Variants in GRIK3 observed in about 807,000 individuals in gnomAD.
The protein encoded by GRIK3 is glutamate ionotropic receptor kainate type subunit 3.
A neutral mutation model predicts 102.5 loss-of-function variants in GRIK3; 29 were observed. The ratio of observed to expected loss-of-function variants is 0.28; its 90% CI spans 0.21 to 0.39. The LOEUF (loss-of-function observed/expected upper bound fraction) is 0.39. Ranked by LOEUF, GRIK3 falls within the 10% of genes least tolerant of loss-of-function variation. GRIK3 has a pLI of 1.00. For synonymous variants in GRIK3, 511 were observed against 504.9 expected, an observed-to-expected ratio of 1.01 and a Z score of -0.16; for missense variants, 908 against 1,252.4, an observed-to-expected ratio of 0.73 and a Z score of 4.15.
At chr1:36,976,255 C>T (rs1642194945) in intron 1 of GRIK3, among the ~76,000 whole-genome samples, 1 of 152,194 alleles carries the variant, frequency 6.6e-6, no homozygotes, top group Admixed American at 6.5e-5. Flanking sequence ...GCTCTCGACT[C>T]CTTCCCTTTT....
At chr1:36,883,401 T>A (rs1265074165) in intron 2 of GRIK3, among the ~76,000 whole-genome samples, 1 of 152,146 alleles carries the variant, frequency 6.6e-6, no homozygotes, top group African/African-American at 2.4e-5. Flanking sequence ...GGGCCTTGCA[T>A]TCTCTGTGGA....
At chr1:36,824,230 A>G (rs1642728527) in intron 11 of GRIK3, among the ~76,000 whole-genome samples, 1 of 152,194 alleles carries the variant, frequency 6.6e-6, no homozygotes, top group African/African-American at 2.4e-5. Context: ...GACACACATC[A>G]AAAGGGCAGA....
chr1:36,900,578 T>C (rs1319338406), intron 1 of GRIK3, among the ~76,000 whole-genome samples: 1 of 152,178 alleles, frequency 6.6e-6, no homozygotes, highest in Non-Finnish European at 1.5e-5. Context: ...TTTATAGCAC[T>C]GAATGCATAA....
At chr1:36,854,004 G>T (rs1485193400) in intron 7 of GRIK3, among the ~76,000 whole-genome samples, 1 of 152,346 alleles carries the variant, frequency 6.6e-6, no homozygotes, top group Middle Eastern at 3.4e-3. Context: ...GTCATGGGAA[G>T]GGGGAGCCCA....
intron 1 of GRIK3, among the ~76,000 whole-genome samples, chr1:37,025,133 A>C (rs1004800819): frequency 6.6e-6 from 1 of 152,132 alleles, no homozygotes; most frequent in Admixed American, 6.5e-5. Context: ...TTAGAGGAAA[A>C]TTTGCAACAA....
At chr1:36,900,908 G>A (rs776249135) in intron 1 of GRIK3, among the ~76,000 whole-genome samples, 34 of 152,068 alleles carry the variant, frequency 2.2e-4, no homozygotes, top group Non-Finnish European at 4.3e-4. Context: ...AAAGATTATC[G>A]AGGAATATTA....
At chr1:36,824,883 G>C (rs532417) in intron 11 of GRIK3, among the ~76,000 whole-genome samples, 2,295 of 152,272 alleles carry the variant, frequency 0.015, 51 homozygotes, top group African/African-American at 0.053. Flanking sequence ...CAAGTGGTGA[G>C]ACTTTCTGAG....
intron 10 of GRIK3, among the ~76,000 whole-genome samples, chr1:36,835,781 C>T (rs1320801304): frequency 6.6e-6 from 1 of 152,212 alleles, no homozygotes; most frequent in Non-Finnish European, 1.5e-5. Context: ...TGCTCTCTTA[C>T]ACCTGTTTGT....
intron 1 of GRIK3, among the ~76,000 whole-genome samples, chr1:36,929,160 C>G (rs1176811184): frequency 6.6e-6 from 1 of 152,110 alleles, no homozygotes; most frequent in African/African-American, 2.4e-5. Flanking sequence ...CAGAGTCAGG[C>G]ATTACAACAT....
At chr1:36,843,787 A>G (rs1030360765) in intron 9 of GRIK3, among the ~76,000 whole-genome samples, 1 of 152,138 alleles carries the variant, frequency 6.6e-6, no homozygotes, top group Non-Finnish European at 1.5e-5. Context: ...TCAGCACCCC[A>G]ACGTGACAGA....
At chr1:36,908,876 T>A (rs948905235) in intron 1 of GRIK3, among the ~76,000 whole-genome samples, 2 of 151,860 alleles carry the variant, frequency 1.3e-5, no homozygotes, top group African/African-American at 4.8e-5. Flanking sequence ...AGCTGGAATA[T>A]TTTCTTCAAA....
At chr1:36,970,281 C>T (rs925305786) in intron 1 of GRIK3, among the ~76,000 whole-genome samples, 2 of 152,174 alleles carry the variant, frequency 1.3e-5, no homozygotes, top group African/African-American at 2.4e-5. Context: ...GGAGGTCATC[C>T]GTATGTCTTC....
At chr1:36,834,032 AG>A (rs1640343903) in intron 10 of GRIK3, among the ~76,000 whole-genome samples, 1 of 152,208 alleles carries the variant, frequency 6.6e-6, no homozygotes, top group African/African-American at 2.4e-5. Flanking sequence ...TCTGGGAACC[AG>A]GGAAGCTCTT....
At chr1:36,994,542 A>G (rs978151957) in intron 1 of GRIK3, among the ~76,000 whole-genome samples, 15 of 152,254 alleles carry the variant, frequency 9.9e-5, no homozygotes, top group Non-Finnish European at 1.3e-4. Flanking sequence ...ACACTGATAG[A>G]GCAGTATCTT....
chr1:36,823,101 C>T (rs1024135332), intron 11 of GRIK3, among the ~76,000 whole-genome samples: 1 of 152,130 alleles, frequency 6.6e-6, no homozygotes, highest in Non-Finnish European at 1.5e-5. Context: ...CTCCAGCAGC[C>T]AGCATGGTCA....
intron 8 of GRIK3, among the ~76,000 whole-genome samples, chr1:36,853,410 C>T (rs754129963): frequency 5.9e-5 from 9 of 152,268 alleles, no homozygotes; most frequent in Non-Finnish European, 1.2e-4. Flanking sequence ...AGGCCACTGG[C>T]TTCTGTACCC....
At chr1:36,881,973 T>C (rs1640984766) in intron 2 of GRIK3, among the ~76,000 whole-genome samples, 1 of 151,894 alleles carries the variant, frequency 6.6e-6, no homozygotes, top group Non-Finnish European at 1.5e-5. Context: ...TGGAATGCTC[T>C]TCCCTCATAG....
chr1:36,877,978 TAAC>T (rs766675443), intron 3 of GRIK3, among the ~76,000 whole-genome samples: 6 of 152,264 alleles, frequency 3.9e-5, no homozygotes, highest in African/African-American at 7.2e-5. Flanking sequence ...GAAGACAGGA[TAAC>T]AACATCTTTG....
At chr1:36,909,801 CCA>C (rs1180787446) in intron 1 of GRIK3, among the ~76,000 whole-genome samples, 4 of 152,240 alleles carry the variant, frequency 2.6e-5, no homozygotes, top group East Asian at 3.9e-4. Context: ...TCAACTGCAA[CCA>C]ACTTCTTTCT....
Sources: allele counts gnomAD v4.1 joint callset (sites outside exome capture counted in the v4.1 genomes callset), GRCh38; gene constraint gnomAD v4.1.1; transcripts MANE v1.5; gene names NCBI Gene and HGNC (gene_info 2026-07-23, HGNC 2026-07-21).